TTBK2: variants seen among roughly 807,000 people sequenced by gnomAD.
TTBK2 encodes the protein tau tubulin kinase 2.
In TTBK2, 28 loss-of-function variants were observed where a neutral mutation model predicts 110.8. The observed-to-expected ratio is 0.25, with a 90% confidence interval of 0.19 to 0.35. TTBK2 has a LOEUF of 0.35. Ranked by LOEUF, TTBK2 falls within the 10% of genes least tolerant of loss-of-function variation. TTBK2 has a pLI of 1.00. For synonymous variants in TTBK2, 532 were observed against 527.3 expected, an observed-to-expected ratio of 1.01 and a Z score of -0.12; for missense variants, 1,369 against 1,500.3, an observed-to-expected ratio of 0.91 and a Z score of 1.45.
intron 13 of TTBK2, among the ~76,000 whole-genome samples, chr15:42,767,003 G>C (rs1889412145): frequency 6.6e-6 from 1 of 152,114 alleles, no homozygotes; most frequent in Non-Finnish European, 1.5e-5. Flanking sequence ...ACAACTACAT[G>C]GAAACTGAAC....
At position 42,745,732 on chromosome 15, in the gene TTBK2, G is replaced by A; in HGVS notation, c.*63C>T. On this transcript the variant is annotated 3_prime_UTR_variant, in exon 15 of 15. Transcript: ENST00000267890. ...GATTTTTTTACATAGAAAGTACAGG[G>A]ACACACATGCATCAGGTTTAGGAGG... is the stretch of plus-strand genomic sequence containing the variant. 1 of 1,570,252 alleles carries A rather than the reference G, an allele frequency of 6.4e-7. No homozygotes were observed. Among genetic ancestry groups the A allele is most frequent in the Non-Finnish European group, 8.8e-7 (1 of 1,141,622 alleles).
rs949309193 is a variant in TTBK2 at position 42,800,817 on chromosome 15, G to A, written c.823-6016C>T. ...ATAGCTGGAGGCATGGGCAAGGGGGGGTCCCCAGGTAGTAAACTCCCTCGC... is the reference window on the plus strand; with the variant it reads ...ATAGCTGGAGGCATGGGCAAGGGGGAGTCCCCAGGTAGTAAACTCCCTCGC... On this transcript the variant is annotated intron_variant, in intron 9 of 14. Coordinates refer to ENST00000267890, the MANE Select transcript of TTBK2 (RefSeq NM_173500.4). 4 of 554,890 alleles carry A rather than the reference G, an allele frequency of 7.2e-6. No individual in the cohort carries two copies. The African/African-American group carries it at 7.6e-5, about 11-fold the overall frequency. 34.4% of individuals were successfully genotyped at this position (554,890 alleles called of 1,614,324 possible).
intron 7 of TTBK2, among the ~76,000 whole-genome samples, chr15:42,812,039 G>GCCCATT (rs1200848568): frequency 2.0e-5 from 3 of 152,118 alleles, no homozygotes; most frequent in Non-Finnish European, 4.4e-5. Flanking sequence ...TAATATAACA[G>GCCCATT]CCCATTAGTT....
intron 1 of TTBK2, among the ~76,000 whole-genome samples, chr15:42,917,276 T>A (rs537222368): frequency 2.4e-3 from 364 of 151,748 alleles, no homozygotes; most frequent in Non-Finnish European, 4.4e-3. Flanking sequence ...TCACAAAAGT[T>A]TGTAAGTACT....
intron 4 of TTBK2, among the ~76,000 whole-genome samples, chr15:42,836,206 T>C (rs974753749): frequency 1.3e-5 from 2 of 152,166 alleles, no homozygotes; most frequent in Non-Finnish European, 2.9e-5. Context: ...TTAAAAAACA[T>C]TTTAATGGCA....
chr15:42,801,049 T>C (rs1567031580), intron 9 of TTBK2: 1 of 767,620 alleles, frequency 1.3e-6, no homozygotes, highest in Non-Finnish European at 2.4e-6. Flanking sequence ...CTGGAGGAGC[T>C]GGTGTGGCTG....
chr15:42,900,487 C>T (rs1236163326), intron 1 of TTBK2, among the ~76,000 whole-genome samples: 2 of 151,870 alleles, frequency 1.3e-5, no homozygotes, highest in Admixed American at 1.3e-4. Context: ...AGGAGGCTGA[C>T]ACAGGCCGAT....
intron 9 of TTBK2, among the ~76,000 whole-genome samples, chr15:42,799,106 A>G (rs993054783): frequency 2.0e-5 from 3 of 152,122 alleles, no homozygotes; most frequent in African/African-American, 7.2e-5. Flanking sequence ...GCGGTGGCTC[A>G]GGCCTGTTAT....
At chr15:42,911,295 C>T (rs1366843963) in intron 1 of TTBK2, among the ~76,000 whole-genome samples, 4 of 152,134 alleles carry the variant, frequency 2.6e-5, no homozygotes, top group Non-Finnish European at 5.9e-5. Context: ...GTCCTTGATA[C>T]ATATCCCATC....
At chr15:42,837,657 CAAAAAAAAAAAAAA>C (rs35898464) in intron 4 of TTBK2, among the ~76,000 whole-genome samples, 1 of 39,996 alleles carries the variant, frequency 2.5e-5, no homozygotes, top group African/African-American at 9.1e-5. Flanking sequence ...GACTCTGTCT[CAAAAAAAAAAAAAA>C]AAAAAAAAAA....
At chr15:42,899,030 T>C (rs900584238) in intron 1 of TTBK2, among the ~76,000 whole-genome samples, 1 of 152,184 alleles carries the variant, frequency 6.6e-6, no homozygotes, top group African/African-American at 2.4e-5. Context: ...TCTCGCCCTG[T>C]CACCCAGGCT....
intron 3 of TTBK2, among the ~76,000 whole-genome samples, chr15:42,848,599 T>C (rs370726511): frequency 2.5e-4 from 38 of 152,206 alleles, no homozygotes; most frequent in East Asian, 5.8e-4. Flanking sequence ...AAAGCGATTA[T>C]CCTGCCTCAG....
intron 6 of TTBK2, among the ~76,000 whole-genome samples, chr15:42,825,302 G>C (rs1892482850): frequency 1.3e-5 from 2 of 152,112 alleles, no homozygotes; most frequent in Admixed American, 6.6e-5. Context: ...CTGCAGAAGA[G>C]AGAAGAAAGA....
intron 1 of TTBK2, among the ~76,000 whole-genome samples, chr15:42,915,281 C>T (rs1377939167): frequency 1.3e-5 from 2 of 152,204 alleles, no homozygotes; most frequent in Admixed American, 6.5e-5. Context: ...GTATCTGCAC[C>T]GTCTGTGCTG....
chr15:42,751,371 A>G (rs982762785), intron 14 of TTBK2, among the ~76,000 whole-genome samples: 5 of 152,362 alleles, frequency 3.3e-5, no homozygotes, highest in African/African-American at 9.6e-5. Flanking sequence ...TGAAAGTGTT[A>G]TAACTTTAGA....
At position 42,892,911 on chromosome 15, in the gene TTBK2, G is replaced by A. The variant is rs753854690; in HGVS notation, c.-67-14227C>T. Among the ~76,000 whole-genome samples, 19 of 150,984 alleles carry A rather than the reference G, an allele frequency of 1.3e-4. No homozygotes were observed. The East Asian group carries it at 3.7e-3, about 29-fold the overall frequency. On this transcript the variant is annotated intron_variant, in intron 1 of 14. Coordinates refer to ENST00000267890, the MANE Select transcript of TTBK2 (RefSeq NM_173500.4). ...TGCAATCCCAGCTACCTGGGAGGCTGAGGCAGGAGAAATCTCTGGAACCCG... is the reference window on the plus strand; with the variant it reads ...TGCAATCCCAGCTACCTGGGAGGCTAAGGCAGGAGAAATCTCTGGAACCCG...
intron 14 of TTBK2, among the ~76,000 whole-genome samples, chr15:42,748,688 C>A (rs1322249524): frequency 6.6e-6 from 1 of 152,142 alleles, no homozygotes; most frequent in Non-Finnish European, 1.5e-5. Flanking sequence ...GCTGGGATTA[C>A]AGGTGTGAGC....
chr15:42,817,013 C>A lies in TTBK2; in HGVS notation c.603+19G>T, dbSNP rs1392450638. On this transcript the variant is annotated intron_variant, in intron 7 of 14. Coordinates refer to ENST00000267890, the MANE Select transcript of TTBK2 (RefSeq NM_173500.4). ...TATTAGCATACTTATACAGATATGA[C>A]TCTAGTTCAGATACCTACCCTGTTC... 1.3e-6 allele frequency: 2 copies of A among 1,586,784 alleles called. No homozygotes were observed.
chr15:42,742,805 T>C lies in TTBK2; in HGVS notation c.*2990A>G, dbSNP rs1360260328. ...CCTCATCTTAGATAGAATAACCAAATTGGTTTAAAATTACTTGATCTATGT... is the reference window on the plus strand; with the variant it reads ...CCTCATCTTAGATAGAATAACCAAACTGGTTTAAAATTACTTGATCTATGT... On this transcript the variant is annotated 3_prime_UTR_variant, in exon 15 of 15. Coordinates refer to ENST00000267890, the MANE Select transcript of TTBK2 (RefSeq NM_173500.4). 8.5e-5 allele frequency: 13 copies of C among 152,184 alleles called. No homozygotes were observed. The highest frequency in any genetic ancestry group is 7.2e-4 in the Admixed American group (11 of 15,274). 9.4% of individuals were successfully genotyped at this position (152,184 alleles called of 1,614,324 possible).
Sources: allele counts gnomAD v4.1 joint callset (sites outside exome capture counted in the v4.1 genomes callset), GRCh38; gene constraint gnomAD v4.1.1; transcripts MANE v1.5; gene names NCBI Gene and HGNC (gene_info 2026-07-23, HGNC 2026-07-21).